CCDC144A: variants seen among roughly 807,000 people sequenced by gnomAD.
CCDC144A encodes the protein coiled-coil domain-containing protein 144A.
In CCDC144A, 41 loss-of-function variants were observed where a neutral mutation model predicts 143.8. That is an observed-to-expected ratio of 0.29 (90% confidence interval 0.22 to 0.37). The LOEUF is 0.37. Among genes scored for constraint, CCDC144A ranks in the 10% least tolerant of loss-of-function variants. CCDC144A has a pLI of 1.00. For missense variants in CCDC144A, 637 were observed against 1,488.8 expected (o/e 0.43, Z 9.41); for synonymous variants, 242 against 517.9 (o/e 0.47, Z 7.23).
the CCDC144A span, among the ~76,000 whole-genome samples, chr17:16,676,383 C>A: frequency 6.6e-6 from 1 of 151,542 alleles, no homozygotes; most frequent in Non-Finnish European, 1.5e-5. Flanking sequence ...TGGTGGCAGG[C>A]GCCTGTAGTC....
chr17:16,726,047 T>C (rs2621581), intron 8 of CCDC144A, among the ~76,000 whole-genome samples: 2 of 152,176 alleles, frequency 1.3e-5, no homozygotes, highest in Non-Finnish European at 2.9e-5. Flanking sequence ...ATTCCTGACA[T>C]TGTAATTTGA....
At chr17:16,753,735 C>T (rs1328959111) in intron 12 of CCDC144A, among the ~76,000 whole-genome samples, 1 of 152,172 alleles carries the variant, frequency 6.6e-6, no homozygotes, top group Non-Finnish European at 1.5e-5. Flanking sequence ...GTTTGACTTT[C>T]TGTTTTCCAA....
At chr17:16,690,186 T>C (rs3114294), upstream of CCDC144A, 41,490 of 389,122 alleles carry the variant, frequency 0.11, 2,726 homozygotes, top group Non-Finnish European at 0.13. Context: ...GGTTCCGTGA[T>C]GTCACAGGTG....
At chr17:16,754,833 C>T (rs1400163251) in intron 12 of CCDC144A, among the ~76,000 whole-genome samples, 1 of 152,066 alleles carries the variant, frequency 6.6e-6, no homozygotes, top group Non-Finnish European at 1.5e-5. Flanking sequence ...CTATGGAGTC[C>T]CCATCTATTA....
the CCDC144A span, among the ~76,000 whole-genome samples, chr17:16,671,571 ACACT>A: frequency 6.6e-6 from 1 of 151,966 alleles, no homozygotes; most frequent in Non-Finnish European, 1.5e-5. Context: ...ACACACACAA[ACACT>A]CACAGTGAAT....
intron 2 of CCDC144A, among the ~76,000 whole-genome samples, chr17:16,702,758 A>G (rs1911808302): frequency 6.6e-6 from 1 of 152,044 alleles, no homozygotes; most frequent in South Asian, 2.1e-4. Flanking sequence ...GAGTAAATGA[A>G]GGGAAAAGAA....
At chr17:16,695,651 G>A (rs1033244414) in intron 2 of CCDC144A, among the ~76,000 whole-genome samples, 1 of 151,430 alleles carries the variant, frequency 6.6e-6, no homozygotes, top group African/African-American at 2.4e-5. Flanking sequence ...TATTATCATT[G>A]TCACTTTAAT....
the CCDC144A span, among the ~76,000 whole-genome samples, chr17:16,672,931 G>A: frequency 6.6e-6 from 1 of 152,068 alleles, no homozygotes; most frequent in Non-Finnish European, 1.5e-5. Context: ...CACAGATACA[G>A]ATGATAGAGA....
chr17:16,696,883 T>C (rs182258447), intron 2 of CCDC144A, among the ~76,000 whole-genome samples: 125 of 151,706 alleles, frequency 8.2e-4, no homozygotes, highest in Non-Finnish European at 5.9e-5. Flanking sequence ...ACCGACAATA[T>C]CTGAAGGCTG....
chr17:16,684,195 T>G, the CCDC144A span: 4 of 986,902 alleles, frequency 4.1e-6, no homozygotes, highest in East Asian at 9.5e-5. Context: ...TTCGTGGCAC[T>G]GGAGAGGCTG....
At chr17:16,673,661 C>T in the CCDC144A span, among the ~76,000 whole-genome samples, 3 of 152,086 alleles carry the variant, frequency 2.0e-5, no homozygotes, top group Non-Finnish European at 2.9e-5. Flanking sequence ...ACTAGGATTA[C>T]AGGCGTGAGC....
chr17:16,701,080 C>T (rs1438519150), intron 2 of CCDC144A, among the ~76,000 whole-genome samples: 1 of 152,126 alleles, frequency 6.6e-6, no homozygotes, highest in Non-Finnish European at 1.5e-5. Flanking sequence ...AGATAGTACT[C>T]ATATTCTGTT....
chr17:16,683,080 T>C, the CCDC144A span, among the ~76,000 whole-genome samples: 7 of 151,470 alleles, frequency 4.6e-5, no homozygotes, highest in South Asian at 1.5e-3. Context: ...AGGCAGGGGT[T>C]TGGGGAGACG....
At chr17:16,753,260 A>G (rs2586628) in intron 12 of CCDC144A, among the ~76,000 whole-genome samples, 12,846 of 149,976 alleles carry the variant, frequency 0.086, 235 homozygotes, top group Non-Finnish European at 0.12. Flanking sequence ...TGTGGTGACC[A>G]TCTTGTCTTC....
intron 12 of CCDC144A, among the ~76,000 whole-genome samples, chr17:16,741,297 G>C (rs978077045): frequency 2.6e-5 from 4 of 152,034 alleles, no homozygotes; most frequent in African/African-American, 4.8e-5. Context: ...TAAATCAAAG[G>C]CTGAGGGACT....
At chr17:16,683,419 T>G in the CCDC144A span, 2 of 981,764 alleles carry the variant, frequency 2.0e-6, no homozygotes, top group Non-Finnish European at 1.5e-6. Context: ...AAATGCTTCC[T>G]GGTGCCGGGA....
chr17:16,686,113 G>GTTTTTTTTTTT (rs1910774107), upstream of CCDC144A, among the ~76,000 whole-genome samples: 1 of 71,854 alleles, frequency 1.4e-5, no homozygotes, highest in African/African-American at 4.7e-5. Flanking sequence ...TTTTTTTTTT[G>GTTTTTTTTTTT]AGACAGAGTT....
At chr17:16,685,016 T>G (rs866986535), upstream of CCDC144A, among the ~76,000 whole-genome samples, 42 of 152,198 alleles carry the variant, frequency 2.8e-4, no homozygotes, top group African/African-American at 9.6e-4. Context: ...TTCCTTATCA[T>G]ACAAGTAATA....
In CCDC144A at chr17:16,773,080, C is replaced by T. The variant is rs557047847; in HGVS notation, c.4142-417C>T. ...TAGCATTGTAGTCATACATACTTTT[C>T]ATTCTTGTTAACACTGAAAAAGCTC... On this transcript the variant is annotated intron_variant, in intron 16 of 16. Transcript: ENST00000399273. Among the ~76,000 whole-genome samples the T allele has an allele frequency of 7.9e-5, 12 of 152,186 alleles. No homozygotes were observed. In the East Asian group the frequency reaches 2.3e-3, roughly 29 times the overall value.
Sources: gnomAD v4.1 joint callset for allele counts (sites outside exome capture counted in the v4.1 genomes callset) on GRCh38, gnomAD v4.1.1 for gene constraint, MANE v1.5 for transcripts, NCBI Gene and HGNC (gene_info 2026-07-23, HGNC 2026-07-21) for gene names.